CNTLN: variants seen among roughly 807,000 people sequenced by gnomAD.
CNTLN encodes the protein centlein, centrosomal protein.
Under a neutral mutation model 180.0 loss-of-function variants are expected in CNTLN, and 212 were observed. The observed-to-expected ratio is 1.18, with a 90% CI of 1.05 to 1.32. The LOEUF is 1.32. CNTLN is among the 40% of genes most tolerant of loss of function. The pLI is 0.00. For synonymous variants in CNTLN, 722 were observed against 563.1 expected, an observed-to-expected ratio of 1.28 and a Z score of -3.99; for missense variants, 2,095 against 1,610.9, an observed-to-expected ratio of 1.30 and a Z score of -5.14.
intron 2 of CNTLN, among the ~76,000 whole-genome samples, chr9:17,201,873 C>T (rs564333081): frequency 6.6e-6 from 1 of 152,170 alleles, no homozygotes; most frequent in Non-Finnish European, 1.5e-5. Flanking sequence ...TTGTCTTCTG[C>T]TAACTTTTGA....
intron 6 of CNTLN, among the ~76,000 whole-genome samples, chr9:17,288,127 T>C (rs1829113175): frequency 1.5e-5 from 2 of 130,536 alleles, no homozygotes; most frequent in Admixed American, 1.5e-4. Flanking sequence ...TCTTTCCTGC[T>C]TTCTCTTGTG....
At chr9:17,306,295 G>A (rs1759617) in intron 7 of CNTLN, among the ~76,000 whole-genome samples, 30,269 of 151,800 alleles carry the variant, frequency 0.2, 3,721 homozygotes, top group African/African-American at 0.34. Flanking sequence ...GATTACAGGC[G>A]TGTGCCACCA....
At chr9:17,147,400 C>G (rs1251601143) in intron 2 of CNTLN, among the ~76,000 whole-genome samples, 1 of 152,070 alleles carries the variant, frequency 6.6e-6, no homozygotes, top group Non-Finnish European at 1.5e-5. Flanking sequence ...TGAATGGTTT[C>G]TTAATTAATT....
intron 18 of CNTLN, among the ~76,000 whole-genome samples, chr9:17,441,086 C>T (rs944071287): frequency 2.0e-5 from 3 of 152,056 alleles, no homozygotes; most frequent in South Asian, 2.1e-4. Flanking sequence ...AAGATAAAAA[C>T]GTGCCAACCA....
intron 19 of CNTLN, among the ~76,000 whole-genome samples, chr9:17,458,740 A>G (rs951303097): frequency 6.6e-6 from 1 of 151,970 alleles, no homozygotes; most frequent in Non-Finnish European, 1.5e-5. Context: ...TATACAAACT[A>G]GCATTGGGAT....
At chr9:17,206,038 G>C (rs771048028) in intron 2 of CNTLN, among the ~76,000 whole-genome samples, 1 of 152,186 alleles carries the variant, frequency 6.6e-6, no homozygotes, top group Non-Finnish European at 1.5e-5. Flanking sequence ...CTGAGAATGA[G>C]TTCATCAACT....
At chr9:17,163,411 A>G (rs1348898842) in intron 2 of CNTLN, among the ~76,000 whole-genome samples, 1 of 152,240 alleles carries the variant, frequency 6.6e-6, no homozygotes, top group Non-Finnish European at 1.5e-5. Context: ...ACAAGTTGAT[A>G]CTGTGTTTTT....
chr9:17,256,111 G>A (rs1826470248), intron 5 of CNTLN, among the ~76,000 whole-genome samples: 1 of 151,812 alleles, frequency 6.6e-6, no homozygotes, highest in African/African-American at 2.4e-5. Flanking sequence ...CTGCTACATA[G>A]TATTCCATAG....
chr9:17,463,037 A>C, intron 20 of CNTLN, 24 bp downstream of exon 20: 2 of 1,464,496 alleles, frequency 1.4e-6, no homozygotes, highest in Non-Finnish European at 1.9e-6. Flanking sequence ...ATTTCTATCC[A>C]TTGTATTTGG....
At chr9:17,141,752 T>A (rs1422785246) in intron 1 of CNTLN, among the ~76,000 whole-genome samples, 1 of 151,904 alleles carries the variant, frequency 6.6e-6, no homozygotes, top group African/African-American at 2.4e-5. Context: ...ACAGTAGGGT[T>A]TATTGATGAT....
intron 7 of CNTLN, chr9:17,301,932 A>G (rs1023625380): frequency 1.1e-5 from 10 of 927,388 alleles, no homozygotes; most frequent in African/African-American, 1.1e-4. Context: ...TTAAAAAATC[A>G]TAACATATAA....
chr9:17,249,783 T>C (rs932050359), intron 5 of CNTLN, among the ~76,000 whole-genome samples: 2 of 151,680 alleles, frequency 1.3e-5, no homozygotes, highest in Non-Finnish European at 2.9e-5. Context: ...TTGTCAGTTA[T>C]TTTATGGCTT....
At chr9:17,457,782 T>C (rs1223274980) in intron 19 of CNTLN, 67 bp downstream of exon 19, 1 of 967,608 alleles carries the variant, frequency 1.0e-6, no homozygotes, top group Admixed American at 3.7e-5. Context: ...CATATTTATA[T>C]GAACACTAAT....
chr9:17,195,331 T>C (rs967392691), intron 2 of CNTLN, among the ~76,000 whole-genome samples: 1 of 152,174 alleles, frequency 6.6e-6, no homozygotes, highest in Non-Finnish European at 1.5e-5. Flanking sequence ...TAATTTGACC[T>C]GTAATATTGC....
rs144615171 is a variant in CNTLN at position 17,213,627 on chromosome 9, C to A, written c.450-12576C>A. 6.6e-5 allele frequency among the ~76,000 whole-genome samples: 10 copies of A among 152,162 alleles called. No homozygotes were observed. The South Asian group carries it at 2.1e-3, about 32-fold the overall frequency. ...GGATATTTTTGTTAACTTTCTGACT[C>A]GTTGGTCTGTCTAATGTTGACAGTG... On this transcript the variant is annotated intron_variant, in intron 2 of 25. Coordinates refer to ENST00000380647, the MANE Select transcript of CNTLN (RefSeq NM_017738.4).
intron 10 of CNTLN, among the ~76,000 whole-genome samples, chr9:17,333,963 G>T (rs1021038233): frequency 3.3e-5 from 5 of 152,174 alleles, no homozygotes; most frequent in Admixed American, 1.3e-4. Context: ...AGGTAAGTAA[G>T]TAGTTAACTC....
At chr9:17,290,707 C>G (rs537791237) in intron 6 of CNTLN, among the ~76,000 whole-genome samples, 2,035 of 151,022 alleles carry the variant, frequency 0.013, 47 homozygotes, top group African/African-American at 0.047. Flanking sequence ...GATATAATCT[C>G]ATGGTTCGCC....
intron 15 of CNTLN, among the ~76,000 whole-genome samples, chr9:17,407,070 T>G (rs113397832): frequency 1.1e-4 from 17 of 152,316 alleles, no homozygotes; most frequent in African/African-American, 4.1e-4. Context: ...GCAAATAGAT[T>G]ATAGTATTCT....
At chr9:17,144,765 T>C (rs527573458) in intron 2 of CNTLN, among the ~76,000 whole-genome samples, 15 of 151,620 alleles carry the variant, frequency 9.9e-5, no homozygotes, top group African/African-American at 3.6e-4. Flanking sequence ...TTTATAACTA[T>C]GACTGTCAAA....
Sources: allele counts gnomAD v4.1 joint callset (sites outside exome capture counted in the v4.1 genomes callset), GRCh38; gene constraint gnomAD v4.1.1; transcripts MANE v1.5; gene names NCBI Gene and HGNC (gene_info 2026-07-23, HGNC 2026-07-21).